Variants in INPP4B observed in about 807,000 individuals in gnomAD.
INPP4B encodes the protein inositol polyphosphate-4-phosphatase type II B, also known as inositol polyphosphate 4-phosphatase type II.
Under a neutral mutation model 122.5 loss-of-function variants are expected in INPP4B, and 55 were observed. That is an observed-to-expected ratio of 0.45 (90% CI 0.36 to 0.56). INPP4B has a LOEUF of 0.56. INPP4B is among the 20% of genes least tolerant of loss of function. The probability of loss-of-function intolerance (pLI) is 0.00; values close to 1 mark genes in which losing one functional copy is unlikely to be tolerated. For synonymous variants in INPP4B, 403 were observed against 388.7 expected (o/e 1.04, Z -0.43); for missense variants, 1,000 against 1,097.7 (o/e 0.91, Z 1.26).
rs769525041 is a variant in INPP4B at position 142,724,171 on chromosome 4, A to C, written c.-191+1668T>G. Among the ~76,000 whole-genome samples the C allele has an allele frequency of 1.0e-3, 152 of 152,150 alleles. 2 individuals carry two copies. The highest frequency in any genetic ancestry group is 7.6e-4 in the Non-Finnish European group (52 of 67,978). On this transcript the variant is annotated intron_variant, in intron 2 of 25. Coordinates refer to ENST00000262992, the MANE Select transcript of INPP4B (RefSeq NM_001101669.3). ...CCATGAATGGGAATTACTTTCCCTC[A>C]CCCTAAGTCTTCCTTTGTTACCTTC...
intron 2 of INPP4B, among the ~76,000 whole-genome samples, chr4:142,656,882 A>G (rs1404817155): frequency 6.6e-6 from 1 of 152,196 alleles, no homozygotes. Flanking sequence ...TGGTTGTGGA[A>G]AAGGATTTGT....
intron 10 of INPP4B, among the ~76,000 whole-genome samples, chr4:142,264,505 G>C (rs1741835585): frequency 6.6e-6 from 1 of 152,118 alleles, no homozygotes; most frequent in Non-Finnish European, 1.5e-5. Flanking sequence ...TGGTTTTAAT[G>C]CTTTATCTTC....
intron 1 of INPP4B, among the ~76,000 whole-genome samples, chr4:142,741,562 A>AAT (rs1767909287): frequency 6.6e-6 from 1 of 152,030 alleles, no homozygotes. Flanking sequence ...ACAAAGGAAT[A>AAT]ATAGGATATT....
intron 23 of INPP4B, among the ~76,000 whole-genome samples, chr4:142,106,597 T>C: frequency 6.6e-6 from 1 of 152,308 alleles, no homozygotes; most frequent in Admixed American, 6.5e-5. Context: ...AGCAATATGA[T>C]TGTTTTAAGT....
chr4:142,118,217 C>T, intron 21 of INPP4B, among the ~76,000 whole-genome samples: 1 of 152,122 alleles, frequency 6.6e-6, no homozygotes, highest in East Asian at 1.9e-4. Flanking sequence ...GGCCATACTG[C>T]CCAAGGTAAT....
intron 2 of INPP4B, among the ~76,000 whole-genome samples, chr4:142,545,593 T>G (rs1273927763): frequency 1.3e-5 from 2 of 151,994 alleles, no homozygotes; most frequent in South Asian, 2.1e-4. Context: ...CCTCTAGTTC[T>G]CAGAAAGCCT....
At chr4:142,782,428 T>C (rs534691111) in intron 1 of INPP4B, among the ~76,000 whole-genome samples, 1 of 151,912 alleles carries the variant, frequency 6.6e-6, no homozygotes, top group East Asian at 1.9e-4. Context: ...TCGTGAATAG[T>C]GCCACAATAA....
At chr4:142,280,368 G>T (rs1038833719) in intron 9 of INPP4B, among the ~76,000 whole-genome samples, 1 of 151,946 alleles carries the variant, frequency 6.6e-6, no homozygotes, top group African/African-American at 2.4e-5. Flanking sequence ...GCAATAAAAA[G>T]AAACTGTTGA....
intron 5 of INPP4B, chr4:142,423,772 A>G (rs947599939): frequency 1.2e-5 from 5 of 427,656 alleles, no homozygotes; most frequent in Non-Finnish European, 2.3e-5. Flanking sequence ...AAAAAAACAG[A>G]CCTTCTACAA....
At chr4:142,461,560 A>G (rs1171198273) in intron 3 of INPP4B, among the ~76,000 whole-genome samples, 1 of 152,348 alleles carries the variant, frequency 6.6e-6, no homozygotes, top group Non-Finnish European at 1.5e-5. Context: ...CTGGAAAAAA[A>G]TAAACCAATG....
Position 142,083,731 on chromosome 4 carries a change from G to A in INPP4B, c.2488-1546C>T, listed in dbSNP as rs868241327. ...AATATAAGTGACTAGAAAAATGTGA[G>A]AGCATGATGTCTCCATACAATCTTT... On this transcript the variant is annotated intron_variant, in intron 24 of 25. Transcript: ENST00000262992. Among the ~76,000 whole-genome samples, 16 of 152,154 alleles carry A rather than the reference G, an allele frequency of 1.1e-4. No homozygotes were observed. The South Asian group carries it at 3.1e-3, about 30-fold the overall frequency.
chr4:142,026,819 T>C lies in INPP4B; in HGVS notation c.*1963A>G, dbSNP rs1277185245. ...CAGTTAATATTTTTCCATATTTAAG[T>C]AGTTTGTTTTCAAAAATACAAATAA... On this transcript the variant is annotated 3_prime_UTR_variant, in exon 26 of 26. Transcript: ENST00000262992. 6.6e-6 allele frequency: 1 copy of C among 152,196 alleles called. No individual in the cohort carries two copies. Among genetic ancestry groups the C allele is most frequent in the Non-Finnish European group, 1.5e-5 (1 of 68,034 alleles). The allele number at this position is 152,196 out of a possible 1,614,324, so 9.4% of individuals were successfully genotyped here. A position where few individuals can be genotyped will look rare whatever the true frequency, so the allele number is the denominator to read the frequency against.
intron 2 of INPP4B, among the ~76,000 whole-genome samples, chr4:142,530,448 T>C (rs752314945): frequency 6.6e-6 from 1 of 151,844 alleles, no homozygotes; most frequent in Non-Finnish European, 1.5e-5. Context: ...GAAGTCCCAA[T>C]TGTCATAGAG....
chr4:142,292,404 C>CA (rs1198116990), intron 9 of INPP4B, among the ~76,000 whole-genome samples: 1 of 152,068 alleles, frequency 6.6e-6, no homozygotes, highest in East Asian at 1.9e-4. Flanking sequence ...CGTCAATAGC[C>CA]AAAAAATTTA....
At position 142,298,299 on chromosome 4, in the gene INPP4B, C is replaced by T. The variant is rs369177883; in HGVS notation, c.503+7159G>A. Among the ~76,000 whole-genome samples, 41 of 152,104 alleles carry T rather than the reference C, an allele frequency of 2.7e-4. No individual in the cohort carries two copies. In the South Asian group the frequency reaches 7.5e-3, roughly 28 times the overall value. ...TTCTAACACTAGACCTGTCTGAAAACGGGAGGAAAAATTCTGAGTTTCAGT... is the reference window on the plus strand; with the variant it reads ...TTCTAACACTAGACCTGTCTGAAAATGGGAGGAAAAATTCTGAGTTTCAGT... On this transcript the variant is annotated intron_variant, in intron 9 of 25. Transcript: ENST00000262992.
chr4:142,443,064 C>T (rs1309333061), intron 3 of INPP4B, among the ~76,000 whole-genome samples: 3 of 152,074 alleles, frequency 2.0e-5, no homozygotes, highest in Admixed American at 2.0e-4. Flanking sequence ...CTGCCCTTGA[C>T]ACATAGGGAT....
chr4:142,834,303 C>T (rs1030132928), intron 1 of INPP4B, among the ~76,000 whole-genome samples: 18 of 152,130 alleles, frequency 1.2e-4, no homozygotes, highest in African/African-American at 3.6e-4. Flanking sequence ...GATTATTATT[C>T]GTAGGATGTT....
intron 9 of INPP4B, among the ~76,000 whole-genome samples, chr4:142,290,014 A>G (rs1173651448): frequency 2.6e-5 from 4 of 151,722 alleles, no homozygotes; most frequent in African/African-American, 9.7e-5. Context: ...GGTCCCCCTG[A>G]TTTCACTCTT....
intron 13 of INPP4B, 113 bp from the exon 14 acceptor site, chr4:142,208,642 T>G (rs1843551690): frequency 1.7e-6 from 1 of 587,056 alleles, no homozygotes; most frequent in African/African-American, 1.9e-5. Flanking sequence ...GAAAAACATA[T>G]CCTATATTTA....
Sources: allele counts gnomAD v4.1 joint callset (sites outside exome capture counted in the v4.1 genomes callset), GRCh38; gene constraint gnomAD v4.1.1; transcripts MANE v1.5; gene names NCBI Gene and HGNC (gene_info 2026-07-23, HGNC 2026-07-21).